The following CARMIL1 variants were observed in gnomAD, a reference collection of about 807,000 sequenced individuals.
CARMIL1 encodes F-actin-uncapping protein LRRC16A.
Under a neutral mutation model 177.1 loss-of-function variants are expected in CARMIL1, and 90 were observed. The ratio of observed to expected loss-of-function variants is 0.51; its 90% CI spans 0.43 to 0.61. The LOEUF (loss-of-function observed/expected upper bound fraction) is 0.61, where lower values mean the gene tolerates loss of function less well. Among genes scored for constraint, CARMIL1 ranks in the 20% least tolerant of loss-of-function variants. CARMIL1 has a pLI of 0.00. For synonymous variants in CARMIL1, 577 were observed against 606.2 expected (o/e 0.95, Z 0.71); for missense variants, 1,380 against 1,667.0 (o/e 0.83, Z 3.00).
chr6:25,288,512 CTTATG>C (rs377628799), intron 2 of CARMIL1, among the ~76,000 whole-genome samples: 68 of 134,006 alleles, frequency 5.1e-4, no homozygotes, highest in Admixed American at 1.2e-3. Flanking sequence ...TGGAAAAAAT[CTTATG>C]TTATAACAGT....
intron 3 of CARMIL1, among the ~76,000 whole-genome samples, chr6:25,422,722 A>G (rs1419065654): frequency 6.6e-6 from 1 of 152,160 alleles, no homozygotes; most frequent in Non-Finnish European, 1.5e-5. Flanking sequence ...GCTTAGGAAA[A>G]TATTCAAGCA....
chr6:25,327,925 C>T (rs9295655), intron 2 of CARMIL1, among the ~76,000 whole-genome samples: 41,098 of 152,034 alleles, frequency 0.27, 6,004 homozygotes, highest in African/African-American at 0.39. Flanking sequence ...CTACTTTTAG[C>T]GTTTTGGGTC....
At chr6:25,433,697 A>AT (rs1035527743) in intron 4 of CARMIL1, among the ~76,000 whole-genome samples, 55 of 152,256 alleles carry the variant, frequency 3.6e-4, no homozygotes, top group Middle Eastern at 3.4e-3. Flanking sequence ...AGGAATTTTA[A>AT]TTTTTTTATG....
chr6:25,461,634 A>C (rs892026637), intron 8 of CARMIL1, among the ~76,000 whole-genome samples: 3 of 152,240 alleles, frequency 2.0e-5, no homozygotes, highest in Admixed American at 1.3e-4. Context: ...TTAAAAATAA[A>C]TAATTATCTA....
chr6:25,346,039 G>C lies in CARMIL1; in HGVS notation c.138+61130G>C, dbSNP rs114535229. 5.0e-3 allele frequency among the ~76,000 whole-genome samples: 768 copies of C among 152,264 alleles called. 8 individuals carry two copies. The highest frequency in any genetic ancestry group is 0.012 in the African/African-American group (483 of 41,546). ...TATTGCTATCACCCTGGTCTAAGCT[G>C]CCATAATTTTTCACCTGGATTAGGA... On this transcript the variant is annotated intron_variant, in intron 2 of 36. Coordinates refer to ENST00000329474, the MANE Select transcript of CARMIL1 (RefSeq NM_017640.6).
chr6:25,321,646 CTTAT>C (rs1316307390), intron 2 of CARMIL1, among the ~76,000 whole-genome samples: 1 of 150,756 alleles, frequency 6.6e-6, no homozygotes. Context: ...ATTTATTTCA[CTTAT>C]TTATTAATTT....
At chr6:25,357,611 A>AT (rs970797896) in intron 2 of CARMIL1, among the ~76,000 whole-genome samples, 3 of 152,010 alleles carry the variant, frequency 2.0e-5, no homozygotes, top group South Asian at 4.1e-4. Context: ...AAAAAAACAC[A>AT]TTTTTTTGAG....
intron 23 of CARMIL1, among the ~76,000 whole-genome samples, chr6:25,524,326 T>C (rs781064731): frequency 1.4e-4 from 21 of 152,086 alleles, no homozygotes; most frequent in Non-Finnish European, 2.4e-4. Flanking sequence ...CCATGTCAAG[T>C]AAAATAACAG....
chr6:25,532,089 CTTTT>C (rs111958767), intron 24 of CARMIL1, among the ~76,000 whole-genome samples: 5 of 140,850 alleles, frequency 3.5e-5, no homozygotes, highest in Non-Finnish European at 7.8e-5. Flanking sequence ...CTTTTCTTTT[CTTTT>C]TTTTTTTTCT....
intron 8 of CARMIL1, among the ~76,000 whole-genome samples, chr6:25,459,273 T>TCTTTCTTTCTTCCTTTCTTCC (rs1390647134): frequency 7.5e-6 from 1 of 132,754 alleles, no homozygotes; most frequent in Non-Finnish European, 1.6e-5. Context: ...TTTCTTTTTT[T>TCTTTCTTTCTTCCTTTCTTCC]TTTTTTTAAG....
intron 2 of CARMIL1, among the ~76,000 whole-genome samples, chr6:25,386,282 T>G (rs951195262): frequency 6.6e-6 from 1 of 152,166 alleles, no homozygotes; most frequent in Non-Finnish European, 1.5e-5. Flanking sequence ...GGACGGAATC[T>G]TGCTCTGTCG....
chr6:25,450,578 C>G (rs1798686903), intron 7 of CARMIL1, 60 bp from the exon 8 acceptor site: 5 of 1,124,214 alleles, frequency 4.4e-6, no homozygotes, highest in Non-Finnish European at 6.7e-6. Context: ...CTCACTGTCT[C>G]TCTTGCTTTC....
chr6:25,283,385 A>C (rs1781287961), intron 1 of CARMIL1, among the ~76,000 whole-genome samples: 1 of 152,200 alleles, frequency 6.6e-6, no homozygotes, highest in Non-Finnish European at 1.5e-5. Flanking sequence ...CCCTTACTGC[A>C]GTCATGCCTA....
chr6:25,335,974 T>C lies in CARMIL1; in HGVS notation c.138+51065T>C, dbSNP rs4712909. Among the ~76,000 whole-genome samples, 708 of 152,348 alleles carry C rather than the reference T, an allele frequency of 4.6e-3. 38 individuals are homozygous for C. The highest frequency in any genetic ancestry group is 0.043 in the Admixed American group (660 of 15,302). ...ACTGTGTTGGCCATTGTTACTGCTC[T>C]GTTACTGTGCTGGCCCAATGAAATA... On this transcript the variant is annotated intron_variant, in intron 2 of 36. Coordinates refer to ENST00000329474, the MANE Select transcript of CARMIL1 (RefSeq NM_017640.6).
rs1797152040 is a variant in CARMIL1, at chr6:25,435,564, G to A, written c.331G>A (p.Gly111Ser). The change falls in exon 5 of 37, where the codon GGC becomes AGC. Residue 111 changes from glycine to serine, a missense_variant. Coordinates refer to ENST00000329474, the MANE Select transcript of CARMIL1 (RefSeq NM_017640.6). Reference protein sequence around the residue: ...EDVSEVLAHIGTCLRKIFPGL... With the variant: ...EDVSEVLAHISTCLRKIFPGL... ...CGTGAGTGAGGTGCTGGCTCACATA[G>A]GCACCTGCCTGAGGAAGATATTTCC... is the stretch of plus-strand genomic sequence containing the variant. 1 of 1,566,134 alleles carries A rather than the reference G, an allele frequency of 6.4e-7. No homozygotes were observed. The highest frequency in any genetic ancestry group is 8.7e-7 in the Non-Finnish European group (1 of 1,154,290).
rs192080592 is a variant in CARMIL1, at chr6:25,500,121, C to T, written c.1326-45C>T. On this transcript the variant is annotated intron_variant, in intron 16 of 36. Coordinates refer to ENST00000329474, the MANE Select transcript of CARMIL1 (RefSeq NM_017640.6). Reference sequence around the variant, plus strand: ...GTGTGCTTGCATTTTTTCTTTTGGGCAGTGTGTGGAATGTGTATCTAATAT... The same window carrying T: ...GTGTGCTTGCATTTTTTCTTTTGGGTAGTGTGTGGAATGTGTATCTAATAT... 1,544 of 1,545,138 alleles carry T rather than the reference C, an allele frequency of 1.0e-3. 2 individuals carry two copies. Among genetic ancestry groups the T allele is most frequent in the Non-Finnish European group, 1.2e-3 (1,364 of 1,119,130 alleles).
At chr6:25,551,156 G>A in intron 27 of CARMIL1, 71 bp downstream of exon 27, 1 of 1,209,972 alleles carries the variant, frequency 8.3e-7, no homozygotes, top group Non-Finnish European at 1.2e-6. Flanking sequence ...CTGTAAAGAG[G>A]GTTATTGTTG....
intron 2 of CARMIL1, among the ~76,000 whole-genome samples, chr6:25,413,572 G>GT (rs1221343831): frequency 1.3e-5 from 2 of 152,192 alleles, no homozygotes; most frequent in East Asian, 3.8e-4. Flanking sequence ...ACTTATAAAT[G>GT]TTTCTAAGTG....
intron 1 of CARMIL1, 82 bp from the exon 2 acceptor site, chr6:25,284,730 C>A: frequency 1.3e-6 from 1 of 785,738 alleles, no homozygotes; most frequent in Non-Finnish European, 2.1e-6. Flanking sequence ...ACAGTAAAAA[C>A]AACCAAATAT....
Sources: allele counts gnomAD v4.1 joint callset (sites outside exome capture counted in the v4.1 genomes callset), GRCh38; gene constraint gnomAD v4.1.1; transcripts MANE v1.5; gene names NCBI Gene and HGNC (gene_info 2026-07-23, HGNC 2026-07-21).